The following PCM1 variants were observed in gnomAD, a reference collection of about 807,000 sequenced individuals.
PCM1 encodes pericentriolar material 1 protein.
Under a neutral mutation model 241.9 loss-of-function variants are expected in PCM1, and 157 were observed. That is an observed-to-expected ratio of 0.65 (90% CI 0.57 to 0.74). PCM1 has a LOEUF of 0.74. Among genes scored for constraint, PCM1 ranks in the 30% least tolerant of loss-of-function variants. The pLI, the probability that PCM1 is intolerant of heterozygous loss-of-function variation, is 0.00. For missense variants in PCM1, 3,478 were observed against 2,360.1 expected, an observed-to-expected ratio of 1.47 and a Z score of -9.81; for synonymous variants, 1,085 against 784.9, an observed-to-expected ratio of 1.38 and a Z score of -6.39.
chr8:18,001,225 C>G (rs986076303), intron 29 of PCM1, among the ~76,000 whole-genome samples: 11 of 152,242 alleles, frequency 7.2e-5, no homozygotes, highest in African/African-American at 2.6e-4. Context: ...ATACAATTTT[C>G]TATTAATTAT....
intron 6 of PCM1, among the ~76,000 whole-genome samples, chr8:17,941,332 A>G (rs1013712847): frequency 6.6e-6 from 1 of 152,192 alleles, no homozygotes; most frequent in Non-Finnish European, 1.5e-5. Flanking sequence ...CTTTCATAAT[A>G]TAAAATGACG....
intron 36 of PCM1, among the ~76,000 whole-genome samples, chr8:18,016,348 T>C (rs190785269): frequency 1.3e-5 from 2 of 152,320 alleles, no homozygotes; most frequent in African/African-American, 2.4e-5. Flanking sequence ...TCTAGAACTC[T>C]AGCAAATTTT....
chr8:17,955,537 G>A lies in PCM1; in HGVS notation c.1356G>A (p.Pro452=), dbSNP rs148232722. 472 of 1,613,538 alleles carry A rather than the reference G, an allele frequency of 2.9e-4. No homozygotes were observed. The African/African-American group carries it at 4.2e-3, about 14-fold the overall frequency. ...SAPSASVGLA[P]VVNGESNSLT... The stretch of plus-strand genomic sequence containing the variant: ...CCTCTGCTTCTGTAGGCTTGGCACC[G>A]GTTGTCAATGGAGAATCCAATAGCC... The change falls in exon 10 of 39, where the codon CCG becomes CCA. Residue 452 remains proline (P), a synonymous_variant. Transcript: ENST00000325083.
In PCM1 at chr8:18,018,883, C is replaced by CAT. The variant is rs1287241130; in HGVS notation, c.5841+4044_5841+4045insTA. On this transcript the variant is annotated intron_variant, in intron 36 of 38. Transcript: ENST00000325083. ...ATATATATATATATATATATATACA[C>CAT]ACACATATACATACACATATATATA... Among the ~76,000 whole-genome samples the CAT allele has an allele frequency of 2.5e-3, 131 of 51,652 alleles. 1 individual carries two copies. Among genetic ancestry groups the CAT allele is most frequent in the Admixed American group, 4.5e-3 (25 of 5,542 alleles). The allele number at this position is 51,652 out of a possible 152,430, so 33.9% of individuals were successfully genotyped here. A position where few individuals can be genotyped will look rare whatever the true frequency, so the allele number is the denominator to read the frequency against.
chr8:17,947,123 T>A, intron 6 of PCM1, 63 bp from the exon 7 acceptor site: 1 of 1,023,268 alleles, frequency 9.8e-7, no homozygotes, highest in Non-Finnish European at 1.4e-6. Context: ...TTGCCATTGA[T>A]AATTGAAACC....
At position 17,985,458 on chromosome 8, in the gene PCM1, G is replaced by A; in HGVS notation, c.4120G>A (p.Asp1374Asn). Reference protein sequence around the residue: ...STEISSETGSDFSMFEALRDT... With the variant: ...STEISSETGSNFSMFEALRDT... ...TTTATGTATTCCAGAAACTGGGAGT[G>A]ATTTTTCCATGTTTGAAGCTTTGCG... Residue 1374 changes from aspartate (D) to asparagine (N), a missense_variant, in exon 25 of 39, where the codon GAT becomes AAT. Asp to Asn is a conservative substitution (Grantham distance 23). Transcript: ENST00000325083. 6.4e-7 allele frequency: 1 copy of A among 1,553,616 alleles called. No homozygotes were observed. The highest frequency in any genetic ancestry group is 8.7e-7 in the Non-Finnish European group (1 of 1,147,320).
At chr8:17,979,294 TAGGTCAA>T (rs955545529) in intron 23 of PCM1, among the ~76,000 whole-genome samples, 1 of 152,110 alleles carries the variant, frequency 6.6e-6, no homozygotes, top group Admixed American at 6.6e-5. Context: ...TGGGAAGCAT[TAGGTCAA>T]ATAATTGGAA....
At chr8:17,978,623 C>G (rs1456061119) in intron 23 of PCM1, among the ~76,000 whole-genome samples, 3 of 151,936 alleles carry the variant, frequency 2.0e-5, no homozygotes, top group African/African-American at 7.3e-5. Flanking sequence ...AGCCAAAGGA[C>G]CCTCCACATG....
intron 28 of PCM1, among the ~76,000 whole-genome samples, chr8:17,992,434 G>A (rs539837496): frequency 2.0e-5 from 3 of 151,920 alleles, no homozygotes; most frequent in South Asian, 4.2e-4. Context: ...TTTAAATTAC[G>A]GCCATTCTTG....
At chr8:17,947,413 A>G in intron 7 of PCM1, 50 bp downstream of exon 7, 1 of 1,295,596 alleles carries the variant, frequency 7.7e-7, no homozygotes, top group Non-Finnish European at 1.1e-6. Flanking sequence ...CTCATACATA[A>G]TTGTATTGCA....
At chr8:17,950,470 G>T in intron 7 of PCM1, 145 bp from the exon 8 acceptor site, 1 of 580,454 alleles carries the variant, frequency 1.7e-6, no homozygotes, top group South Asian at 2.3e-5. Context: ...AATGATTGTT[G>T]GCAGATAGAT....
intron 23 of PCM1, among the ~76,000 whole-genome samples, chr8:17,976,115 T>C (rs2078685052): frequency 6.6e-6 from 1 of 152,184 alleles, no homozygotes; most frequent in African/African-American, 2.4e-5. Context: ...CTAATGAAGA[T>C]GGACATGAAA....
At chr8:18,001,511 C>T (rs1474953650) in intron 29 of PCM1, among the ~76,000 whole-genome samples, 2 of 152,146 alleles carry the variant, frequency 1.3e-5, no homozygotes, top group Non-Finnish European at 2.9e-5. Flanking sequence ...CAACATTGAT[C>T]AGGGCAGATG....
Position 17,957,441 on chromosome 8 carries a change from C to G in PCM1, c.1804+20C>G. On this transcript the variant is annotated intron_variant, in intron 12 of 38. Coordinates refer to ENST00000325083, the MANE Select transcript of PCM1 (RefSeq NM_006197.4). Reference sequence around the variant, plus strand: ...CTTTAGGTATGACTGACTGTATTTACATATAATTTTGCTGTGTTATTCTTA... The same window carrying G: ...CTTTAGGTATGACTGACTGTATTTAGATATAATTTTGCTGTGTTATTCTTA... 6.2e-7 allele frequency: 1 copy of G among 1,609,666 alleles called. No individual in the cohort carries two copies. Among genetic ancestry groups the G allele is most frequent in the Non-Finnish European group, 8.5e-7 (1 of 1,176,498 alleles).
At chr8:17,933,117 A>T (rs563813741) in intron 2 of PCM1, among the ~76,000 whole-genome samples, 1 of 152,208 alleles carries the variant, frequency 6.6e-6, no homozygotes, top group Non-Finnish European at 1.5e-5. Context: ...GCTCACTCCT[A>T]CATCATAGAA....
intron 29 of PCM1, among the ~76,000 whole-genome samples, chr8:17,997,410 T>C (rs1189146518): frequency 2.6e-5 from 4 of 152,178 alleles, no homozygotes; most frequent in Non-Finnish European, 5.9e-5. Context: ...GTAACCTTCT[T>C]GTACTTGAAT....
At chr8:17,993,949 A>C (rs2085685110) in intron 29 of PCM1, among the ~76,000 whole-genome samples, 1 of 152,142 alleles carries the variant, frequency 6.6e-6, no homozygotes, top group Non-Finnish European at 1.5e-5. Flanking sequence ...GGGTACATGA[A>C]ATAGTTTGAT....
At chr8:18,008,017 A>G (rs1275407589) in intron 30 of PCM1, among the ~76,000 whole-genome samples, 1 of 152,204 alleles carries the variant, frequency 6.6e-6, no homozygotes, top group East Asian at 1.9e-4. Flanking sequence ...TCTACTTTAA[A>G]GAGAGTTTAT....
intron 36 of PCM1, among the ~76,000 whole-genome samples, chr8:18,018,857 T>TACACACACAC (rs1318394786): frequency 6.5e-5 from 2 of 30,646 alleles, no homozygotes; most frequent in Non-Finnish European, 1.8e-4. Flanking sequence ...TGTGTGTATA[T>TACACACACAC]ATATATATAT....
Sources: allele counts gnomAD v4.1 joint callset (sites outside exome capture counted in the v4.1 genomes callset), GRCh38; gene constraint gnomAD v4.1.1; transcripts MANE v1.5; gene names NCBI Gene and HGNC (gene_info 2026-07-23, HGNC 2026-07-21).